ETAA1: variants seen among roughly 807,000 people sequenced by gnomAD.
ETAA1 encodes the protein ETAA1 activator of ATR kinase, also known as ewing's tumor-associated antigen 1.
In ETAA1, 49 loss-of-function variants were observed where a neutral mutation model predicts 76.8. The ratio of observed to expected loss-of-function variants is 0.64; its 90% CI spans 0.51 to 0.81. The LOEUF is 0.81. ETAA1 is among the 30% of genes least tolerant of loss of function. The pLI, the probability that ETAA1 is intolerant of heterozygous loss-of-function variation, is 0.00. For missense variants in ETAA1, 1,099 were observed against 1,074.0 expected, an observed-to-expected ratio of 1.02 and a Z score of -0.32; for synonymous variants, 373 against 372.2, an observed-to-expected ratio of 1.00 and a Z score of -0.03.
Position 67,403,534 on chromosome 2 carries a change from T to A in ETAA1, c.852T>A (p.Ala284=). 1.2e-6 allele frequency: 2 copies of A among 1,613,548 alleles called. No homozygotes were observed. Among genetic ancestry groups the A allele is most frequent in the Non-Finnish European group, 1.7e-6 (2 of 1,179,514 alleles). The change falls in exon 5 of 6, where the codon GCT becomes GCA. Residue 284 remains alanine, a synonymous_variant. Transcript: ENST00000272342. ...AAATTGCTGAAGCAGCCTTTAATGC[T>A]ATTTTTGATGGTTCTACTCAGAAAT... is the stretch of plus-strand genomic sequence containing the variant. ...FDQIAEAAFN[A]IFDGSTQKCS...
chr2:67,397,509 G>A lies in ETAA1; in HGVS notation c.61G>A (p.Val21Met), dbSNP rs1241896760. The change falls in exon 1 of 6, where the codon GTG (valine) becomes ATG (methionine). Residue 21 changes from valine to methionine, a missense_variant. Val to Met is a conservative substitution (Grantham distance 21, BLOSUM62 1). Around this residue, in one of 3 missense-constraint regions of ETAA1, gnomAD observed 761 missense variants for 731.9 expected, o/e 1.04. Coordinates refer to ENST00000272342, the MANE Select transcript of ETAA1 (RefSeq NM_019002.4). ...PSPKKTPHKT[V>M]AAEECGSVVE... The stretch of plus-strand genomic sequence containing the variant: ...CCCGAAGAAAACGCCGCACAAAACA[G>A]TGGCGGCGGAGGAATGCGGCTCGGT... 1.9e-6 allele frequency: 3 copies of A among 1,600,388 alleles called. No homozygotes were observed. Among genetic ancestry groups the A allele is most frequent in the Non-Finnish European group, 2.6e-6 (3 of 1,173,570 alleles).
In ETAA1 at chr2:67,410,043, A is replaced by C. The variant is rs1676330163; in HGVS notation, c.*5A>C. 1.3e-6 allele frequency: 2 copies of C among 1,599,152 alleles called. No homozygotes were observed. The highest frequency in any genetic ancestry group is 2.7e-5 in the African/African-American group (2 of 73,904). On this transcript the variant is annotated 3_prime_UTR_variant, in exon 6 of 6. Transcript: ENST00000272342. ...GCTCCCACTTCATTTCTTTAATGAA[A>C]TATTAGTTGGAAGACTTCACGAAGA...
At chr2:67,408,007 C>T (rs1469712468) in intron 5 of ETAA1, among the ~76,000 whole-genome samples, 1 of 152,070 alleles carries the variant, frequency 6.6e-6, no homozygotes, top group Non-Finnish European at 1.5e-5. Flanking sequence ...CCCAAAACTC[C>T]TATCTACCAA....
In ETAA1 at chr2:67,402,871, C is replaced by T. The variant is rs759512621; in HGVS notation, c.439C>T (p.Pro147Ser). 6 of 1,587,238 alleles carry T rather than the reference C, an allele frequency of 3.8e-6. No homozygotes were observed. Among genetic ancestry groups the T allele is most frequent in the Non-Finnish European group, 4.3e-6 (5 of 1,167,960 alleles). ...TCCCTATCTGCCAAAGGATGAAAAACCAACAACAAATTCTATGCTGGACAT... is the reference window on the plus strand; with the variant it reads ...TCCCTATCTGCCAAAGGATGAAAAATCAACAACAAATTCTATGCTGGACAT... Reference protein sequence around the residue: ...VNRIAPQDEKPTTNSMLDMWI... With the variant: ...VNRIAPQDEKSTTNSMLDMWI... Residue 147 changes from proline (P) to serine (S), a missense_variant, in exon 4 of 6, where the codon CCA becomes TCA. Pro to Ser is a moderately conservative substitution (Grantham distance 74). This residue lies in a region of ETAA1 where 761 missense variants were observed against 731.9 expected (regional missense o/e 1.04). Coordinates refer to ENST00000272342, the MANE Select transcript of ETAA1 (RefSeq NM_019002.4).
Position 67,399,542 on chromosome 2 carries a change from T to A in ETAA1, c.353-8T>A. On this transcript the variant is annotated splice_region_variant and splice_polypyrimidine_tract_variant and intron_variant, in intron 2 of 5. Transcript: ENST00000272342. ...TTAAAATTTATAGAAATGTCTTTGTTTCTTTAGGTAAAGGAAGAAAAAAAC... is the reference window on the plus strand; with the variant it reads ...TTAAAATTTATAGAAATGTCTTTGTATCTTTAGGTAAAGGAAGAAAAAAAC... 1.9e-6 allele frequency: 3 copies of A among 1,578,188 alleles called. No individual in the cohort carries two copies. Among genetic ancestry groups the A allele is most frequent in the Non-Finnish European group, 2.6e-6 (3 of 1,158,374 alleles).
chr2:67,403,152 C>T (rs1676101439), intron 4 of ETAA1, 73 bp from the exon 5 acceptor site: 1 of 1,179,830 alleles, frequency 8.5e-7, no homozygotes, highest in Non-Finnish European at 1.2e-6. Context: ...GCTTTAACAT[C>T]AAAATATGTT....
chr2:67,411,481 A>G lies in ETAA1; in HGVS notation c.*1443A>G, dbSNP rs1191114834. The G allele has an allele frequency of 6.6e-6, 1 of 152,108 alleles. No individual in the cohort carries two copies. Among genetic ancestry groups the G allele is most frequent in the Non-Finnish European group, 1.5e-5 (1 of 68,012 alleles). 9.4% of individuals were successfully genotyped at this position (152,108 alleles called of 1,614,324 possible). A position where few individuals can be genotyped will look rare whatever the true frequency, so the allele number is the denominator to read the frequency against. On this transcript the variant is annotated 3_prime_UTR_variant, in exon 6 of 6. Transcript: ENST00000272342. ...TACCTTAAACATGCTCAAATCACTT[A>G]TATTAGCCTAGAGTTGGGCACATCA...
chr2:67,397,955 C>G (rs529026192), intron 1 of ETAA1, among the ~76,000 whole-genome samples: 2 of 152,274 alleles, frequency 1.3e-5, no homozygotes, highest in Admixed American at 1.3e-4. Flanking sequence ...CCAGGCTGCT[C>G]CTCCAGTCAG....
chr2:67,407,093 C>T (rs569231722), intron 5 of ETAA1, among the ~76,000 whole-genome samples: 5 of 151,980 alleles, frequency 3.3e-5, no homozygotes, highest in Admixed American at 6.6e-5. Flanking sequence ...AATTTCTATC[C>T]GAAGCAGTTA....
At chr2:67,398,796 TA>T (rs1190691292) in intron 1 of ETAA1, among the ~76,000 whole-genome samples, 2 of 152,204 alleles carry the variant, frequency 1.3e-5, no homozygotes, top group African/African-American at 4.8e-5. Flanking sequence ...GAAAGGGGGC[TA>T]AACATATTTA....
chr2:67,397,379 T>C lies in ETAA1; in HGVS notation c.-70T>C. The C allele has an allele frequency of 6.2e-6, 9 of 1,457,340 alleles. No individual in the cohort carries two copies. The highest frequency in any genetic ancestry group is 8.5e-6 in the Non-Finnish European group (9 of 1,062,632). 90.3% of individuals were successfully genotyped at this position (1,457,340 alleles called of 1,614,324 possible). Reference sequence around the variant, plus strand: ...CGTTGGTGCGGGGTGCGGTTTGTAGTGCTGTTGCCCTACTCATCCCTTTGC... The same window carrying C: ...CGTTGGTGCGGGGTGCGGTTTGTAGCGCTGTTGCCCTACTCATCCCTTTGC... On this transcript the variant is annotated 5_prime_UTR_variant, in exon 1 of 6. Transcript: ENST00000272342.
intron 3 of ETAA1, chr2:67,400,710 C>T (rs1373529375): frequency 6.6e-6 from 1 of 152,076 alleles, no homozygotes; most frequent in Non-Finnish European, 1.5e-5. Flanking sequence ...CCTTAACCTG[C>T]GCTTGAATAG....
At chr2:67,397,769 C>A in intron 1 of ETAA1, 98 bp downstream of exon 1, 2 of 1,218,596 alleles carry the variant, frequency 1.6e-6, no homozygotes, top group Non-Finnish European at 2.3e-6. Context: ...GAGTCTGGAG[C>A]GTGTATTCTG....
chr2:67,404,936 G>A lies in ETAA1; in HGVS notation c.2254G>A (p.Val752Met). The A allele has an allele frequency of 6.2e-7, 1 of 1,613,066 alleles. No homozygotes were observed. The highest frequency in any genetic ancestry group is 2.2e-5 in the East Asian group (1 of 44,828). ...AAACTGTCAGATAAATAATCTGCAT[G>A]TGTCTTATACTAACACTGATGTTCC... Reference protein sequence around the residue: ...ISNCQINNLHVSYTNTDVPIQ... With the variant: ...ISNCQINNLHMSYTNTDVPIQ... The change falls in exon 5 of 6, where the codon GTG (valine) becomes ATG (methionine). Residue 752 changes from valine to methionine, a missense_variant. Physicochemically the swap from Val to Met is conservative, Grantham distance 21. Coordinates refer to ENST00000272342, the MANE Select transcript of ETAA1 (RefSeq NM_019002.4).
intron 5 of ETAA1, among the ~76,000 whole-genome samples, chr2:67,408,227 A>C (rs1169469124): frequency 6.6e-6 from 1 of 152,132 alleles, no homozygotes; most frequent in Admixed American, 6.6e-5. Context: ...CATTTATTTC[A>C]GGCAGGAGTT....
At chr2:67,397,763 C>G in intron 1 of ETAA1, 92 bp downstream of exon 1, 1 of 1,270,910 alleles carries the variant, frequency 7.9e-7, no homozygotes, top group Non-Finnish European at 1.1e-6. Context: ...GGGGTGGAGT[C>G]TGGAGCGTGT....
At chr2:67,406,956 T>C (rs1676237526) in intron 5 of ETAA1, among the ~76,000 whole-genome samples, 1 of 152,096 alleles carries the variant, frequency 6.6e-6, no homozygotes, top group African/African-American at 2.4e-5. Context: ...TGCAGTCTTT[T>C]GCAATTACAA....
At position 67,397,626 on chromosome 2, in the gene ETAA1, G is replaced by A. The variant is rs1363007148; in HGVS notation, c.178G>A (p.Glu60Lys). 6.5e-7 allele frequency: 1 copy of A among 1,548,114 alleles called. No homozygotes were observed. The highest frequency in any genetic ancestry group is 8.7e-7 in the Non-Finnish European group (1 of 1,146,978). ...EGPPGPVRQR[E>K]QPPTAALCSK... Reference sequence around the variant, plus strand: ...GCCTCCCGGGCCAGTGCGGCAGCGAGAGCAGCCTCCGACCGCCGCCCTGTG... The same window carrying A: ...GCCTCCCGGGCCAGTGCGGCAGCGAAAGCAGCCTCCGACCGCCGCCCTGTG... The change falls in exon 1 of 6, where the codon GAG becomes AAG. Residue 60 changes from glutamate to lysine, a missense_variant. By Grantham distance (56) the Glu-to-Lys change is moderately conservative. Around this residue, in one of 3 missense-constraint regions of ETAA1, gnomAD observed 761 missense variants for 731.9 expected, o/e 1.04. Coordinates refer to ENST00000272342, the MANE Select transcript of ETAA1 (RefSeq NM_019002.4).
chr2:67,409,823 G>T, intron 5 of ETAA1, 88 bp from the exon 6 acceptor site: 1 of 1,199,420 alleles, frequency 8.3e-7, no homozygotes, highest in Non-Finnish European at 1.2e-6. Context: ...TGGCAAATCT[G>T]GGTGATTAAA....
Sources: allele counts gnomAD v4.1 joint callset (sites outside exome capture counted in the v4.1 genomes callset), GRCh38; gene constraint gnomAD v4.1.1; regional missense constraint gnomAD v4.1.1; transcripts MANE v1.5; gene names NCBI Gene and HGNC (gene_info 2026-07-23, HGNC 2026-07-21).